The following CRYBG1 variants were observed in gnomAD, a reference collection of about 807,000 sequenced individuals.
The protein encoded by CRYBG1 is beta/gamma crystallin domain-containing protein 1.
A neutral mutation model predicts 189.2 loss-of-function variants in CRYBG1; 139 were observed. The observed-to-expected ratio is 0.73, with a 90% CI of 0.64 to 0.85. The LOEUF is 0.85. CRYBG1 is among the 40% of genes least tolerant of loss of function. The pLI is 0.00. For missense variants in CRYBG1, 2,611 were observed against 2,675.8 expected (o/e 0.98, Z 0.53); for synonymous variants, 1,023 against 1,017.1 (o/e 1.01, Z -0.11).
intron 1 of CRYBG1, among the ~76,000 whole-genome samples, chr6:106,426,666 CAG>C (rs1287501249): frequency 6.6e-6 from 1 of 152,180 alleles, no homozygotes; most frequent in Non-Finnish European, 1.5e-5. Flanking sequence ...CCCCAGTGGG[CAG>C]AGTCTGCCCC....
Position 106,450,880 on chromosome 6 carries a change from C to G in CRYBG1, c.174-814C>G, listed in dbSNP as rs551100856. ...CCAGAGAAGCAGGGCAAAGTATGAA[C>G]ATTTTAGAGGGTCAGGGAGACATCA... On this transcript the variant is annotated intron_variant, in intron 1 of 21. Transcript: ENST00000633556. 2.6e-5 allele frequency among the ~76,000 whole-genome samples: 4 copies of G among 152,276 alleles called. No individual in the cohort carries two copies. The South Asian group carries it at 8.3e-4, about 32-fold the overall frequency.
intron 2 of CRYBG1, among the ~76,000 whole-genome samples, chr6:106,478,717 G>A (rs1234950116): frequency 1.3e-5 from 2 of 152,240 alleles, no homozygotes; most frequent in African/African-American, 2.4e-5. Context: ...CGATGGGCAT[G>A]CAAGCAAAGC....
intron 2 of CRYBG1, among the ~76,000 whole-genome samples, chr6:106,474,612 A>G (rs546119521): frequency 6.6e-6 from 1 of 152,100 alleles, no homozygotes; most frequent in East Asian, 1.9e-4. Context: ...GCCTATGTGT[A>G]CTTCCGGTCT....
At chr6:106,550,374 GAATT>G (rs1175196443) in intron 13 of CRYBG1, among the ~76,000 whole-genome samples, 8 of 152,220 alleles carry the variant, frequency 5.3e-5, no homozygotes, top group Admixed American at 1.3e-4. Flanking sequence ...TGAGAATGAT[GAATT>G]AATTGAAAAG....
At chr6:106,382,818 A>G (rs1770311366) in intron 1 of CRYBG1, among the ~76,000 whole-genome samples, 2 of 152,216 alleles carry the variant, frequency 1.3e-5, no homozygotes, top group Non-Finnish European at 1.5e-5. Context: ...TAATCCATAC[A>G]CTTGTGATTA....
At position 106,512,884 on chromosome 6, in the gene CRYBG1, C is replaced by A; in HGVS notation, c.1767C>A (p.Gly589=). The A allele has an allele frequency of 6.3e-7, 1 of 1,597,290 alleles. No homozygotes were observed. The change falls in exon 3 of 22, where the codon GGC becomes GGA. Residue 589 remains glycine (G), a synonymous_variant. Transcript: ENST00000633556. The part of the protein sequence containing the change: ...LPEIKPEHKR[G]PLPNHFNGRA... ...AGATCAAGCCCGAGCACAAGAGGGG[C>A]CCGCTCCCCAACCACTTCAACGGCC...
Position 106,413,412 on chromosome 6 carries a change from C to T in CRYBG1, c.174-38282C>T, listed in dbSNP as rs1032704904. 2.0e-5 allele frequency among the ~76,000 whole-genome samples: 3 copies of T among 152,174 alleles called. No individual in the cohort carries two copies. The South Asian group carries it at 6.2e-4, about 32-fold the overall frequency. On this transcript the variant is annotated intron_variant, in intron 1 of 21. Transcript: ENST00000633556. ...CAGATGTTGGCCAGGCATGGTGGCT[C>T]ACACCTGTAATCCCAGCACTTTGAG...
At chr6:106,414,718 A>G (rs1341873046) in intron 1 of CRYBG1, among the ~76,000 whole-genome samples, 1 of 152,196 alleles carries the variant, frequency 6.6e-6, no homozygotes, top group Non-Finnish European at 1.5e-5. Context: ...GGAAGAAGAA[A>G]TTGGAGGAGT....
chr6:106,520,788 G>A lies in CRYBG1; in HGVS notation c.3580G>A (p.Ala1194Thr). 6 of 1,614,174 alleles carry A rather than the reference G, an allele frequency of 3.7e-6. No homozygotes were observed. The South Asian group carries it at 5.5e-5, about 15-fold the overall frequency. Residue 1194 changes from alanine to threonine, a missense_variant, in exon 4 of 22, where the codon GCT becomes ACT. Ala to Thr is a moderately conservative substitution (Grantham distance 58). Transcript: ENST00000633556. ...CAAACTGAGACCCAAACGTGCATCTGCTGAACAGAGCGTCCTCTTCAAGTC... is the reference window on the plus strand; with the variant it reads ...CAAACTGAGACCCAAACGTGCATCTACTGAACAGAGCGTCCTCTTCAAGTC... Reference protein sequence around the residue: ...KSKLRPKRASAEQSVLFKSLH... With the variant: ...KSKLRPKRASTEQSVLFKSLH...
intron 1 of CRYBG1, among the ~76,000 whole-genome samples, chr6:106,397,664 T>G (rs1444011764): frequency 6.6e-6 from 1 of 152,136 alleles, no homozygotes; most frequent in Non-Finnish European, 1.5e-5. Context: ...TGGTTTAGGG[T>G]CAGTGGAAGG....
chr6:106,565,020 T>A (rs1774838380), intron 21 of CRYBG1, among the ~76,000 whole-genome samples: 1 of 152,198 alleles, frequency 6.6e-6, no homozygotes, highest in African/African-American at 2.4e-5. Context: ...CATTAAAGTT[T>A]ATGATGTAGG....
chr6:106,406,803 T>C (rs1304242333), intron 1 of CRYBG1, among the ~76,000 whole-genome samples: 1 of 152,274 alleles, frequency 6.6e-6, no homozygotes, highest in East Asian at 1.9e-4. Context: ...CATAAGTGAA[T>C]GAGAAATAAA....
At chr6:106,503,354 C>T (rs1773050528) in intron 2 of CRYBG1, among the ~76,000 whole-genome samples, 1 of 152,238 alleles carries the variant, frequency 6.6e-6, no homozygotes, top group South Asian at 2.1e-4. Flanking sequence ...AGAGCTCCAT[C>T]ACAAGAGAGG....
chr6:106,407,851 A>G (rs953852642), intron 1 of CRYBG1, among the ~76,000 whole-genome samples: 13 of 152,242 alleles, frequency 8.5e-5, no homozygotes, highest in Admixed American at 8.5e-4. Context: ...ATGTACCAGA[A>G]TCTCTGGGAC....
At chr6:106,567,858 C>T (rs1413460432) in intron 21 of CRYBG1, among the ~76,000 whole-genome samples, 1 of 151,822 alleles carries the variant, frequency 6.6e-6, no homozygotes, top group African/African-American at 2.4e-5. Context: ...TACTGTGGTA[C>T]TCAGCATCCT....
chr6:106,542,762 C>G (rs1774162786), intron 10 of CRYBG1, among the ~76,000 whole-genome samples: 1 of 148,784 alleles, frequency 6.7e-6, no homozygotes, highest in South Asian at 2.1e-4. Flanking sequence ...AGCGGTTCTG[C>G]CTCAGCCTCC....
At chr6:106,416,172 C>G (rs964636712) in intron 1 of CRYBG1, among the ~76,000 whole-genome samples, 1 of 152,212 alleles carries the variant, frequency 6.6e-6, no homozygotes, top group African/African-American at 2.4e-5. Flanking sequence ...ATCTCTGTCC[C>G]CAGATTCCAG....
Position 106,521,122 on chromosome 6 carries a change from C to A in CRYBG1, c.3914C>A (p.Pro1305His), listed in dbSNP as rs370122396. 1.4e-5 allele frequency: 23 copies of A among 1,613,996 alleles called. No individual in the cohort carries two copies. In the African/African-American group the frequency reaches 2.3e-4, roughly 16 times the overall value. ...AACAAAGAACAGTCAAATCTTCTGCCCGACAACTCCTTAAAGGTCTTCAAT... is the reference window on the plus strand; with the variant it reads ...AACAAAGAACAGTCAAATCTTCTGCACGACAACTCCTTAAAGGTCTTCAAT... ...GLNKEQSNLL[P>H]DNSLKVFNFN... The change falls in exon 4 of 22, where the codon CCC (proline) becomes CAC (histidine). Residue 1305 changes from proline to histidine, a missense_variant. Physicochemically the swap from Pro to His is moderately conservative, Grantham distance 77. Coordinates refer to ENST00000633556, the MANE Select transcript of CRYBG1 (RefSeq NM_001371242.2).
chr6:106,451,556 G>A (rs1049965280), intron 1 of CRYBG1, 138 bp from the exon 2 acceptor site: 223 of 838,212 alleles, frequency 2.7e-4, no homozygotes, highest in Non-Finnish European at 8.6e-5. Context: ...CTACAACGCC[G>A]TGTAGGTTTT....
Sources: allele counts gnomAD v4.1 joint callset (sites outside exome capture counted in the v4.1 genomes callset), GRCh38; gene constraint gnomAD v4.1.1; transcripts MANE v1.5; gene names NCBI Gene and HGNC (gene_info 2026-07-23, HGNC 2026-07-21).